The following KCNAB1 variants were observed in gnomAD, a reference collection of about 807,000 sequenced individuals.
The protein encoded by KCNAB1 is potassium voltage-gated channel subfamily A regulatory beta subunit 1.
In KCNAB1, 35 loss-of-function variants were observed where a neutral mutation model predicts 64.6. The observed-to-expected ratio is 0.54, with a 90% CI of 0.41 to 0.72. KCNAB1 has a LOEUF of 0.72. KCNAB1 is among the 30% of genes least tolerant of loss of function. KCNAB1 has a pLI of 0.00. For missense variants in KCNAB1, 401 were observed against 512.9 expected (o/e 0.78, Z 2.11); for synonymous variants, 177 against 183.8 (o/e 0.96, Z 0.30).
intron 1 of KCNAB1, among the ~76,000 whole-genome samples, chr3:156,406,879 T>G (rs1353707039): frequency 1.3e-5 from 2 of 152,180 alleles, no homozygotes; most frequent in African/African-American, 4.8e-5. Context: ...CACATAGAGC[T>G]GTACAACAAG....
At chr3:156,434,591 G>GA (rs966553856) in intron 2 of KCNAB1, among the ~76,000 whole-genome samples, 9 of 148,868 alleles carry the variant, frequency 6.0e-5, no homozygotes, top group South Asian at 2.1e-4. Context: ...ATTGGGTGAG[G>GA]AAAAAAAAAT....
At chr3:156,412,321 G>A (rs1714724898) in intron 1 of KCNAB1, among the ~76,000 whole-genome samples, 1 of 152,134 alleles carries the variant, frequency 6.6e-6, no homozygotes, top group Non-Finnish European at 1.5e-5. Context: ...TATCTTCGAT[G>A]AGAGACAGTT....
At chr3:156,176,508 CCA>C (rs1712380086) in intron 1 of KCNAB1, 2 of 796,240 alleles carry the variant, frequency 2.5e-6, no homozygotes. Context: ...TCCCACACAG[CCA>C]CAGTTTTATC....
At chr3:156,526,130 C>T (rs1245804254) in intron 12 of KCNAB1, among the ~76,000 whole-genome samples, 2 of 152,184 alleles carry the variant, frequency 1.3e-5, no homozygotes, top group Non-Finnish European at 2.9e-5. Flanking sequence ...TGTGTTACAG[C>T]CGCCTATAGT....
At chr3:156,284,587 G>C (rs1324094502) in intron 1 of KCNAB1, among the ~76,000 whole-genome samples, 1 of 152,184 alleles carries the variant, frequency 6.6e-6, no homozygotes, top group Non-Finnish European at 1.5e-5. Flanking sequence ...CTTGCAGTTT[G>C]ATCTCAGACT....
chr3:156,320,569 G>A (rs1276024796), intron 1 of KCNAB1, among the ~76,000 whole-genome samples: 1 of 152,174 alleles, frequency 6.6e-6, no homozygotes, highest in Non-Finnish European at 1.5e-5. Flanking sequence ...AGATCTCAGA[G>A]AAAATCTAGA....
chr3:156,281,557 T>C (rs1459481145), intron 1 of KCNAB1, among the ~76,000 whole-genome samples: 2 of 152,364 alleles, frequency 1.3e-5, no homozygotes, highest in East Asian at 1.9e-4. Context: ...TTCCTCCTTG[T>C]ATCTCTGGTA....
intron 1 of KCNAB1, among the ~76,000 whole-genome samples, chr3:156,343,603 T>G (rs1724283410): frequency 6.6e-6 from 1 of 152,318 alleles, no homozygotes; most frequent in African/African-American, 2.4e-5. Flanking sequence ...CAGTTCTCAC[T>G]GTAGCTGAGA....
At chr3:156,494,793 T>C (rs562456054) in intron 8 of KCNAB1, among the ~76,000 whole-genome samples, 6 of 152,294 alleles carry the variant, frequency 3.9e-5, no homozygotes, top group Admixed American at 3.9e-4. Flanking sequence ...TCCTTCAATG[T>C]AACCTGTTAT....
At chr3:156,356,809 G>T (rs1435142989) in intron 1 of KCNAB1, among the ~76,000 whole-genome samples, 1 of 152,196 alleles carries the variant, frequency 6.6e-6, no homozygotes, top group Non-Finnish European at 1.5e-5. Flanking sequence ...GGCTGGAAGA[G>T]CAATGTTTCT....
chr3:156,321,659 T>C (rs1722669378), intron 1 of KCNAB1, among the ~76,000 whole-genome samples: 1 of 152,260 alleles, frequency 6.6e-6, no homozygotes, highest in African/African-American at 2.4e-5. Context: ...TTTATAACAT[T>C]GTTTTAATAT....
At chr3:156,175,448 G>C (rs1712293020) in intron 1 of KCNAB1, among the ~76,000 whole-genome samples, 1 of 152,152 alleles carries the variant, frequency 6.6e-6, no homozygotes, top group South Asian at 2.1e-4. Flanking sequence ...GTGAAACCCT[G>C]TCTCTACTGA....
At chr3:156,245,250 C>T (rs970031182) in intron 1 of KCNAB1, among the ~76,000 whole-genome samples, 10 of 152,196 alleles carry the variant, frequency 6.6e-5, no homozygotes, top group Admixed American at 1.3e-4. Flanking sequence ...AAATTTTTAT[C>T]GACGTTATCC....
intron 1 of KCNAB1, among the ~76,000 whole-genome samples, chr3:156,200,329 G>A (rs1714244215): frequency 6.6e-6 from 1 of 152,252 alleles, no homozygotes; most frequent in African/African-American, 2.4e-5. Context: ...GGCAGTCTGT[G>A]CCTTAGCAGA....
intron 1 of KCNAB1, among the ~76,000 whole-genome samples, chr3:156,178,418 A>T (rs887254468): frequency 6.6e-6 from 1 of 152,182 alleles, no homozygotes; most frequent in Non-Finnish European, 1.5e-5. Context: ...TTCTACCCCT[A>T]GTGGGGAAAA....
intron 1 of KCNAB1, among the ~76,000 whole-genome samples, chr3:156,309,376 T>C (rs1270853782): frequency 1.3e-5 from 2 of 152,230 alleles, no homozygotes; most frequent in African/African-American, 4.8e-5. Flanking sequence ...CTCTAGCTTT[T>C]ATGTGGCAGT....
chr3:156,307,014 T>A (rs1721534710), intron 1 of KCNAB1, among the ~76,000 whole-genome samples: 1 of 152,210 alleles, frequency 6.6e-6, no homozygotes, highest in Admixed American at 6.5e-5. Context: ...AAAATTAAAT[T>A]TCCTTTTGGC....
chr3:156,474,893 G>A, intron 8 of KCNAB1, 73 bp downstream of exon 8: 1 of 1,120,850 alleles, frequency 8.9e-7, no homozygotes, highest in East Asian at 2.4e-5. Context: ...CTCACAGCAG[G>A]AAATGAATTG....
At chr3:156,408,355 C>A (rs1576828669) in intron 1 of KCNAB1, among the ~76,000 whole-genome samples, 1 of 152,300 alleles carries the variant, frequency 6.6e-6, no homozygotes. Flanking sequence ...ATCTCTGCAA[C>A]CTGCTGGATG....
Sources: allele counts gnomAD v4.1 joint callset (sites outside exome capture counted in the v4.1 genomes callset), GRCh38; gene constraint gnomAD v4.1.1; transcripts MANE v1.5; gene names NCBI Gene and HGNC (gene_info 2026-07-23, HGNC 2026-07-21).